Variants in ZCWPW2 observed in about 807,000 individuals in gnomAD.
ZCWPW2 encodes the protein zinc finger CW-type PWWP domain protein 2.
ZCWPW2 carries 45 observed loss-of-function variants against 46.6 expected under a neutral mutation model. That is an observed-to-expected ratio of 0.96 (90% CI 0.76 to 1.24). The LOEUF is 1.24. Ranked by LOEUF, ZCWPW2 falls within the 50% of genes most tolerant of loss-of-function variation. The pLI, the probability that ZCWPW2 is intolerant of heterozygous loss-of-function variation, is 0.00. For synonymous variants in ZCWPW2, 152 were observed against 137.1 expected (o/e 1.11, Z -0.76); for missense variants, 429 against 403.9 (o/e 1.06, Z -0.53).
chr3:28,452,282 T>C (rs553207876), intron 4 of ZCWPW2, among the ~76,000 whole-genome samples: 4 of 152,186 alleles, frequency 2.6e-5, no homozygotes, highest in Non-Finnish European at 5.9e-5. Context: ...TCTTATTTAT[T>C]TATTTATTTG....
chr3:28,381,049 T>TATATATATATATATATATTTG (rs1559481039), intron 1 of ZCWPW2, among the ~76,000 whole-genome samples: 3 of 28,370 alleles, frequency 1.1e-4, no homozygotes, highest in African/African-American at 4.7e-4. Context: ...ATATATTTGG[T>TATATATATATATATATATTTG]GTATATATAT....
At chr3:28,378,240 A>G (rs1171766110) in intron 1 of ZCWPW2, among the ~76,000 whole-genome samples, 6 of 152,040 alleles carry the variant, frequency 3.9e-5, no homozygotes, top group Non-Finnish European at 8.8e-5. Flanking sequence ...AGTTAAATAT[A>G]CATCATAGAG....
chr3:28,446,877 A>T (rs1698013801), intron 4 of ZCWPW2, among the ~76,000 whole-genome samples: 1 of 152,150 alleles, frequency 6.6e-6, no homozygotes, highest in African/African-American at 2.4e-5. Context: ...ATAAGAGCAT[A>T]CTGTGGACAG....
chr3:28,420,609 C>G (rs1696732838), intron 3 of ZCWPW2, among the ~76,000 whole-genome samples: 1 of 149,830 alleles, frequency 6.7e-6, no homozygotes, highest in African/African-American at 2.5e-5. Context: ...ACTTGTATTA[C>G]TTTCTTAATT....
chr3:28,497,592 T>C (rs1259509933), intron 6 of ZCWPW2, among the ~76,000 whole-genome samples: 1 of 152,106 alleles, frequency 6.6e-6, no homozygotes, highest in African/African-American at 2.4e-5. Flanking sequence ...TCACAGTGTT[T>C]CCCTGCTTCC....
intron 9 of ZCWPW2, among the ~76,000 whole-genome samples, chr3:28,521,446 G>T (rs1212988575): frequency 6.6e-6 from 1 of 152,156 alleles, no homozygotes; most frequent in Non-Finnish European, 1.5e-5. Context: ...AATCTTTACA[G>T]TCAGGAGAGG....
chr3:28,383,472 GT>G (rs1449101343), intron 1 of ZCWPW2, among the ~76,000 whole-genome samples: 1 of 152,032 alleles, frequency 6.6e-6, no homozygotes, highest in Non-Finnish European at 1.5e-5. Flanking sequence ...GCACAATGCA[GT>G]TTTAGCTATG....
chr3:28,521,214 C>G, intron 9 of ZCWPW2, 98 bp downstream of exon 9: 2 of 1,313,360 alleles, frequency 1.5e-6, no homozygotes, highest in Non-Finnish European at 2.0e-6. Context: ...ATAAAAAACT[C>G]TTTTCATGTC....
chr3:28,369,761 T>A (rs1464105445), intron 1 of ZCWPW2, among the ~76,000 whole-genome samples: 2 of 151,936 alleles, frequency 1.3e-5, no homozygotes, highest in African/African-American at 4.8e-5. Context: ...AGAGGTGGAG[T>A]CTACAGAGGC....
chr3:28,357,719 A>G (rs1291306019), intron 1 of ZCWPW2, among the ~76,000 whole-genome samples: 2 of 151,478 alleles, frequency 1.3e-5, no homozygotes, highest in South Asian at 2.1e-4. Context: ...TCTAGCTTAT[A>G]TATGACAGAT....
At chr3:28,503,568 T>C (rs774181066) in intron 6 of ZCWPW2, among the ~76,000 whole-genome samples, 1 of 152,126 alleles carries the variant, frequency 6.6e-6, no homozygotes, top group Non-Finnish European at 1.5e-5. Context: ...GAATAATGAG[T>C]TTGTATTTTA....
At chr3:28,490,061 T>A (rs1325639774) in intron 5 of ZCWPW2, among the ~76,000 whole-genome samples, 1 of 152,042 alleles carries the variant, frequency 6.6e-6, no homozygotes, top group African/African-American at 2.4e-5. Context: ...AATGAGCATA[T>A]GAAAAAATGC....
chr3:28,365,086 A>G (rs887211289), intron 1 of ZCWPW2, among the ~76,000 whole-genome samples: 3 of 151,422 alleles, frequency 2.0e-5, no homozygotes, highest in Non-Finnish European at 2.9e-5. Flanking sequence ...ATTTTCTCCC[A>G]TTCTGTAGGT....
At chr3:28,449,472 A>G (rs1698140632) in intron 4 of ZCWPW2, among the ~76,000 whole-genome samples, 1 of 152,234 alleles carries the variant, frequency 6.6e-6, no homozygotes, top group Admixed American at 6.5e-5. Context: ...TATTTAGAAT[A>G]GTCAAAATTA....
intron 3 of ZCWPW2, among the ~76,000 whole-genome samples, chr3:28,430,709 A>T (rs978980308): frequency 1.3e-5 from 2 of 152,158 alleles, no homozygotes; most frequent in East Asian, 3.9e-4. Flanking sequence ...GGAGGTGATT[A>T]GATCATGGGG....
chr3:28,399,075 C>G (rs1486783616), intron 2 of ZCWPW2, among the ~76,000 whole-genome samples: 1 of 152,176 alleles, frequency 6.6e-6, no homozygotes, highest in East Asian at 1.9e-4. Context: ...TGCCTGGAAA[C>G]AGACTTGGTG....
intron 4 of ZCWPW2, among the ~76,000 whole-genome samples, chr3:28,440,093 C>T (rs753436079): frequency 3.3e-5 from 5 of 152,140 alleles, no homozygotes; most frequent in South Asian, 2.1e-4. Context: ...AATCACAGGG[C>T]ATGGTAATAC....
rs1357751200 is a variant in ZCWPW2, at chr3:28,515,639, C to G, written c.784+18C>G. 6.9e-6 allele frequency: 11 copies of G among 1,591,934 alleles called. No individual in the cohort carries two copies. In the Middle Eastern group the frequency reaches 1.0e-3, roughly 145 times the overall value. On this transcript the variant is annotated intron_variant, in intron 8 of 9. Coordinates refer to ENST00000383768, the MANE Select transcript of ZCWPW2 (RefSeq NM_001040432.4). ...GAACAGGGGTATGTGAAAGCCTGTCCTGCTTTTAGTTCTTTAACCTATATA... is the reference window on the plus strand; with the variant it reads ...GAACAGGGGTATGTGAAAGCCTGTCGTGCTTTTAGTTCTTTAACCTATATA...
rs755335458 is a variant in ZCWPW2 at position 28,365,584 on chromosome 3, G to A, written c.-134+16381G>A. 1.1e-4 allele frequency among the ~76,000 whole-genome samples: 16 copies of A among 140,982 alleles called. 1 individual carries two copies. The highest frequency in any genetic ancestry group is 2.2e-4 in the Non-Finnish European group (14 of 63,050). 92.5% of individuals were successfully genotyped at this position (140,982 alleles called of 152,430 possible). On this transcript the variant is annotated intron_variant, in intron 1 of 9. Coordinates refer to ENST00000383768, the MANE Select transcript of ZCWPW2 (RefSeq NM_001040432.4). ...ATAGTTTGAAGTCAGGTAGCGTGAT[G>A]CCTCCAGCTTTGTTCTTTTGGCTTA...
Sources: gnomAD v4.1 joint callset for allele counts (sites outside exome capture counted in the v4.1 genomes callset) on GRCh38, gnomAD v4.1.1 for gene constraint, MANE v1.5 for transcripts, NCBI Gene and HGNC (gene_info 2026-07-23, HGNC 2026-07-21) for gene names.